RNF130: variants seen among roughly 807,000 people sequenced by gnomAD.
The protein encoded by RNF130 is ring finger protein 130.
A neutral mutation model predicts 44.6 loss-of-function variants in RNF130; 21 were observed. That is an observed-to-expected ratio of 0.47 (90% confidence interval 0.33 to 0.68). RNF130 has a LOEUF of 0.68. RNF130 is among the 30% of genes least tolerant of loss of function. RNF130 has a pLI of 0.02. For missense variants in RNF130, 479 were observed against 560.6 expected (o/e 0.85, Z 1.47); for synonymous variants, 214 against 210.4 (o/e 1.02, Z -0.15).
At chr5:180,051,769 T>C (rs1001988919) in intron 1 of RNF130, among the ~76,000 whole-genome samples, 1 of 152,156 alleles carries the variant, frequency 6.6e-6, no homozygotes, top group Non-Finnish European at 1.5e-5. Context: ...ATGTTCTCCA[T>C]GACATAATAA....
At chr5:180,010,940 G>C (rs1350464237) in intron 3 of RNF130, among the ~76,000 whole-genome samples, 1 of 152,174 alleles carries the variant, frequency 6.6e-6, no homozygotes, top group African/African-American at 2.4e-5. Flanking sequence ...TATTTAGGAA[G>C]ATCAGTGGAT....
At chr5:179,984,663 C>G (rs1337253308) in intron 3 of RNF130, among the ~76,000 whole-genome samples, 2 of 151,892 alleles carry the variant, frequency 1.3e-5, no homozygotes, top group Non-Finnish European at 2.9e-5. Flanking sequence ...AGAATTTGTG[C>G]ATCTATGTTC....
intron 7 of RNF130, among the ~76,000 whole-genome samples, chr5:179,921,496 G>A (rs1156770662): frequency 1.3e-5 from 2 of 152,222 alleles, no homozygotes; most frequent in African/African-American, 4.8e-5. Context: ...GAAACTGCCA[G>A]GCTGTTCTAA....
chr5:180,071,422 G>T (rs760076932), intron 1 of RNF130, 34 bp downstream of exon 1: 2 of 1,231,508 alleles, frequency 1.6e-6, no homozygotes, highest in South Asian at 3.9e-5. Flanking sequence ...GGGATGCAGC[G>T]ACCACCGCCC....
intron 7 of RNF130, among the ~76,000 whole-genome samples, chr5:179,925,913 C>T (rs543937414): frequency 7.5e-4 from 114 of 152,264 alleles, no homozygotes; most frequent in Non-Finnish European, 1.4e-3. Flanking sequence ...TCAAAGGAGG[C>T]TGCATGAGGC....
chr5:180,016,438 T>C (rs748684882), intron 2 of RNF130, among the ~76,000 whole-genome samples: 8 of 152,148 alleles, frequency 5.3e-5, no homozygotes, highest in Non-Finnish European at 8.8e-5. Context: ...ACGCTGTAAA[T>C]ATCAAAGCAC....
At chr5:180,039,062 T>A (rs1764344145) in intron 2 of RNF130, among the ~76,000 whole-genome samples, 1 of 152,220 alleles carries the variant, frequency 6.6e-6, no homozygotes, top group African/African-American at 2.4e-5. Context: ...TAAATTAAAC[T>A]GCCCCTTAAT....
intron 2 of RNF130, among the ~76,000 whole-genome samples, chr5:180,020,289 G>A (rs1421649688): frequency 7.9e-5 from 12 of 152,168 alleles, no homozygotes; most frequent in African/African-American, 1.4e-4. Flanking sequence ...GCTGATGAAC[G>A]GGGAGCAGTG....
chr5:180,071,514 A>T lies in RNF130; in HGVS notation c.189T>A (p.Leu63=), dbSNP rs1470518953. 30 of 1,347,206 alleles carry T rather than the reference A, an allele frequency of 2.2e-5. No homozygotes were observed. The highest frequency in any genetic ancestry group is 2.9e-5 in the Non-Finnish European group (30 of 1,042,294). The allele number at this position is 1,347,206 out of a possible 1,614,324, so 83.5% of individuals were successfully genotyped here. A position where few individuals can be genotyped will look rare whatever the true frequency, so the allele number is the denominator to read the frequency against. ...TFRIDRGRYG[L]DSPKAEVRGQ... is the part of the protein sequence containing the mutation. ...CGCGGACCTCGGCCTTGGGGGAGTC[A>T]AGCCCGTAGCGCCCGCGGTCGATGC... The change falls in exon 1 of 9, where the codon CTT becomes CTA. Residue 63 remains leucine, a synonymous_variant. Transcript: ENST00000521389.
chr5:180,031,296 G>A (rs926316033), intron 2 of RNF130, among the ~76,000 whole-genome samples: 28 of 152,118 alleles, frequency 1.8e-4, no homozygotes, highest in African/African-American at 5.6e-4. Context: ...AGACCAGCCC[G>A]GCCAGTATGG....
downstream of RNF130, among the ~76,000 whole-genome samples, chr5:179,951,477 G>A (rs918117323): frequency 6.6e-5 from 10 of 151,234 alleles, no homozygotes; most frequent in South Asian, 4.2e-4. Flanking sequence ...TCCGCCTCCC[G>A]GGTTCACGCC....
At chr5:179,996,723 G>A (rs1361992417) in intron 3 of RNF130, among the ~76,000 whole-genome samples, 4 of 152,134 alleles carry the variant, frequency 2.6e-5, no homozygotes, top group Non-Finnish European at 5.9e-5. Context: ...CTAGTATTTC[G>A]TTGGGGATTT....
intron 3 of RNF130, among the ~76,000 whole-genome samples, chr5:180,004,250 T>C (rs1354541566): frequency 6.6e-6 from 1 of 152,174 alleles, no homozygotes; most frequent in Non-Finnish European, 1.5e-5. Context: ...TCAAAGCATT[T>C]TCCCGTAATA....
chr5:180,061,033 T>C (rs978195840), intron 1 of RNF130, among the ~76,000 whole-genome samples: 1 of 123,614 alleles, frequency 8.1e-6, no homozygotes, highest in Non-Finnish European at 1.6e-5. Flanking sequence ...ATTGTCCCAC[T>C]GCACTCCAGC....
At chr5:179,980,837 C>T (rs1762817728) in intron 3 of RNF130, among the ~76,000 whole-genome samples, 1 of 152,198 alleles carries the variant, frequency 6.6e-6, no homozygotes. Flanking sequence ...AACATTCTCC[C>T]AGACACTGCT....
chr5:180,069,218 G>A (rs1477610369), intron 1 of RNF130, among the ~76,000 whole-genome samples: 1 of 152,184 alleles, frequency 6.6e-6, no homozygotes, highest in East Asian at 1.9e-4. Flanking sequence ...GATCCCAGCA[G>A]AAGCTATGCT....
At chr5:179,948,440 C>T (rs1272009992) in intron 7 of RNF130, among the ~76,000 whole-genome samples, 3 of 152,026 alleles carry the variant, frequency 2.0e-5, no homozygotes, top group Admixed American at 1.3e-4. Context: ...GAGGCTGAGG[C>T]GAGCGGATCA....
chr5:179,989,930 T>A (rs563332726), intron 3 of RNF130, among the ~76,000 whole-genome samples: 5 of 152,306 alleles, frequency 3.3e-5, no homozygotes, highest in African/African-American at 1.2e-4. Flanking sequence ...ATGGCAAATA[T>A]CAACCTTTTG....
chr5:179,988,973 G>A (rs1468356811), intron 3 of RNF130, among the ~76,000 whole-genome samples: 1 of 152,156 alleles, frequency 6.6e-6, no homozygotes, highest in Non-Finnish European at 1.5e-5. Context: ...TTGACAGCGG[G>A]TGTATTAGTC....
Sources: gnomAD v4.1 joint callset for allele counts (sites outside exome capture counted in the v4.1 genomes callset) on GRCh38, gnomAD v4.1.1 for gene constraint, MANE v1.5 for transcripts, NCBI Gene and HGNC (gene_info 2026-07-23, HGNC 2026-07-21) for gene names.